The following CADPS2 variants were observed in gnomAD, a reference collection of about 807,000 sequenced individuals.
CADPS2 encodes calcium dependent secretion activator 2.
In CADPS2, 93 loss-of-function variants were observed where a neutral mutation model predicts 172.5. The observed-to-expected ratio is 0.54, with a 90% CI of 0.46 to 0.64. The LOEUF (loss-of-function observed/expected upper bound fraction) is 0.64. CADPS2 is among the 30% of genes least tolerant of loss of function. The pLI is 0.00. For synonymous variants in CADPS2, 546 were observed against 555.2 expected, an observed-to-expected ratio of 0.98 and a Z score of 0.23; for missense variants, 1,420 against 1,565.9, an observed-to-expected ratio of 0.91 and a Z score of 1.57.
At chr7:122,702,688 A>C in intron 2 of CADPS2, 1 of 1,612,846 alleles carries the variant, frequency 6.2e-7, no homozygotes, top group South Asian at 1.1e-5. Flanking sequence ...GAAAGATACT[A>C]AGCCTCAAAA....
intron 8 of CADPS2, among the ~76,000 whole-genome samples, chr7:122,534,891 C>T (rs2062096315): frequency 6.6e-6 from 1 of 151,958 alleles, no homozygotes; most frequent in Non-Finnish European, 1.5e-5. Flanking sequence ...AGCAGAACCT[C>T]TAAATTATTC....
chr7:122,667,786 A>G (rs1034006487), intron 2 of CADPS2, among the ~76,000 whole-genome samples: 5 of 152,172 alleles, frequency 3.3e-5, no homozygotes, highest in Admixed American at 3.3e-4. Context: ...AGAAGGAAAG[A>G]GAGAAAAAAA....
At chr7:122,741,618 A>G (rs1588915704) in intron 1 of CADPS2, among the ~76,000 whole-genome samples, 1 of 152,290 alleles carries the variant, frequency 6.6e-6, no homozygotes, top group African/African-American at 2.4e-5. Context: ...AAAAGCTTAA[A>G]CCAAGATCCT....
At chr7:122,752,011 C>T (rs1208633556) in intron 1 of CADPS2, among the ~76,000 whole-genome samples, 2 of 152,074 alleles carry the variant, frequency 1.3e-5, no homozygotes, top group Non-Finnish European at 2.9e-5. Context: ...GCATTATCCA[C>T]TCCATTTTAT....
chr7:122,464,767 T>C (rs1421608937), intron 14 of CADPS2, among the ~76,000 whole-genome samples: 2 of 151,964 alleles, frequency 1.3e-5, no homozygotes, highest in Non-Finnish European at 2.9e-5. Context: ...GACAAAAAAA[T>C]CCCTAAGAAA....
chr7:122,399,239 T>G (rs900503293), intron 20 of CADPS2, among the ~76,000 whole-genome samples: 1 of 152,232 alleles, frequency 6.6e-6, no homozygotes, highest in African/African-American at 2.4e-5. Context: ...TAATTTGAGT[T>G]ATACTTCTAC....
In CADPS2 at chr7:122,595,355, T is replaced by C. The variant is rs73719713; in HGVS notation, c.1224-14065A>G. Among the ~76,000 whole-genome samples the C allele has an allele frequency of 7.8e-3, 1,189 of 152,204 alleles. 16 individuals carry two copies. The highest frequency in any genetic ancestry group is 0.028 in the African/African-American group (1,148 of 41,546). ...TTCTTTACAAGATATCTTCCCCTAA[T>C]TGATGTCTAATTCGATGGAACTTTA... is the stretch of plus-strand genomic sequence containing the variant. On this transcript the variant is annotated intron_variant, in intron 6 of 29. Coordinates refer to ENST00000449022, the MANE Select transcript of CADPS2 (RefSeq NM_017954.11).
intron 18 of CADPS2, among the ~76,000 whole-genome samples, chr7:122,415,437 C>G (rs1473389718): frequency 6.6e-6 from 1 of 152,026 alleles, no homozygotes; most frequent in African/African-American, 2.4e-5. Context: ...AATTATAGGA[C>G]TTTTCTGTAG....
At chr7:122,682,890 T>A (rs937008137) in intron 2 of CADPS2, among the ~76,000 whole-genome samples, 6 of 152,192 alleles carry the variant, frequency 3.9e-5, no homozygotes, top group Non-Finnish European at 8.8e-5. Flanking sequence ...CCTGTTTCAC[T>A]CAGCCTGTCA....
At chr7:122,850,265 G>T in intron 1 of CADPS2, 1 of 832,942 alleles carries the variant, frequency 1.2e-6, no homozygotes, top group East Asian at 3.3e-5. Flanking sequence ...TCCACTGGGG[G>T]CCCCAGGACT....
intron 3 of CADPS2, among the ~76,000 whole-genome samples, chr7:122,653,514 A>C (rs1191812662): frequency 6.6e-6 from 1 of 152,202 alleles, no homozygotes. Flanking sequence ...TTTTCTTTTT[A>C]ACCTTTGTTG....
chr7:122,707,942 T>A (rs35286197), intron 2 of CADPS2, among the ~76,000 whole-genome samples: 7,205 of 151,748 alleles, frequency 0.047, 228 homozygotes, highest in Non-Finnish European at 0.049. Context: ...TAATTCTTAT[T>A]TCTATATATA....
intron 2 of CADPS2, among the ~76,000 whole-genome samples, chr7:122,734,366 AAAAAAAAAAAAAAAAAAAAAG>A (rs2091956776): frequency 3.4e-5 from 3 of 88,692 alleles, no homozygotes; most frequent in Non-Finnish European, 5.3e-5. Context: ...TAAAAAAAAA[AAAAAAAAAAAAAAAAAAAAAG>A]AAAAAAAAAA....
chr7:122,637,304 T>C (rs1056917348), intron 3 of CADPS2, among the ~76,000 whole-genome samples: 42 of 143,286 alleles, frequency 2.9e-4, no homozygotes, highest in African/African-American at 1.0e-3. Flanking sequence ...AGTGATCCTC[T>C]TACCTCAGCC....
At chr7:122,766,479 A>G (rs1363638080) in intron 1 of CADPS2, among the ~76,000 whole-genome samples, 5 of 152,010 alleles carry the variant, frequency 3.3e-5, no homozygotes, top group Admixed American at 1.3e-4. Context: ...CATTTAGTTC[A>G]CTCCCCACAC....
At chr7:122,637,061 T>C (rs2077138352) in intron 3 of CADPS2, among the ~76,000 whole-genome samples, 1 of 152,008 alleles carries the variant, frequency 6.6e-6, no homozygotes, top group Admixed American at 6.6e-5. Context: ...TTTATTTTTT[T>C]CTTTTTGTCT....
At chr7:122,379,317 C>T in intron 25 of CADPS2, 51 bp downstream of exon 25, 2 of 1,139,662 alleles carry the variant, frequency 1.8e-6, no homozygotes, top group Non-Finnish European at 2.5e-6. Context: ...AAAAATTCTC[C>T]ATTGACAATT....
chr7:122,635,671 G>T (rs955438098), intron 3 of CADPS2, among the ~76,000 whole-genome samples: 18 of 152,090 alleles, frequency 1.2e-4, no homozygotes, highest in Non-Finnish European at 2.1e-4. Flanking sequence ...TCTTAATCCA[G>T]TCTATCATTG....
At chr7:122,799,415 C>G (rs996579406) in intron 1 of CADPS2, among the ~76,000 whole-genome samples, 3 of 151,706 alleles carry the variant, frequency 2.0e-5, no homozygotes, top group East Asian at 3.9e-4. Context: ...CTGGCTAACA[C>G]AGTGAAACCC....
Sources: allele counts gnomAD v4.1 joint callset (sites outside exome capture counted in the v4.1 genomes callset), GRCh38; gene constraint gnomAD v4.1.1; transcripts MANE v1.5; gene names NCBI Gene and HGNC (gene_info 2026-07-23, HGNC 2026-07-21).